The following NOTCH2 variants were observed in gnomAD, a reference collection of about 807,000 sequenced individuals.
The protein encoded by NOTCH2 is notch receptor 2.
In NOTCH2, 29 loss-of-function variants were observed where a neutral mutation model predicts 235.8. The ratio of observed to expected loss-of-function variants is 0.12; its 90% CI spans 0.09 to 0.17. NOTCH2 has a LOEUF of 0.17. Ranked by LOEUF, NOTCH2 falls within the 10% of genes least tolerant of loss-of-function variation. The probability of loss-of-function intolerance (pLI) is 1.00; values close to 1 mark genes in which losing one functional copy is unlikely to be tolerated. For synonymous variants in NOTCH2, 1,086 were observed against 1,141.5 expected, an observed-to-expected ratio of 0.95 and a Z score of 0.98; for missense variants, 2,285 against 3,150.2, an observed-to-expected ratio of 0.73 and a Z score of 6.57.
At chr1:119,969,901 T>C (rs1261827233) in intron 5 of NOTCH2, among the ~76,000 whole-genome samples, 157 bp from the exon 6 acceptor site, 1 of 152,146 alleles carries the variant, frequency 6.6e-6, no homozygotes, top group African/African-American at 2.4e-5. Flanking sequence ...TAAGGCCAAT[T>C]TGAGCCATCT....
chr1:119,937,052 C>CT (rs1649878695), intron 21 of NOTCH2, among the ~76,000 whole-genome samples: 1 of 152,060 alleles, frequency 6.6e-6, no homozygotes, highest in Non-Finnish European at 1.5e-5. Context: ...AAAAGCAAGC[C>CT]TAAGGAGCTG....
intron 3 of NOTCH2, among the ~76,000 whole-genome samples, chr1:120,001,242 T>C (rs1430857328): frequency 4.6e-5 from 7 of 152,032 alleles, no homozygotes; most frequent in Admixed American, 1.3e-4. Flanking sequence ...TACAGTAAAT[T>C]GGTACCAAGA....
intron 14 of NOTCH2, 101 bp downstream of exon 14, chr1:119,953,442 A>C: frequency 7.9e-7 from 1 of 1,271,890 alleles, no homozygotes; most frequent in East Asian, 2.3e-5. Flanking sequence ...TTGTTACACG[A>C]ATGAATGAAA....
chr1:119,957,547 C>A (rs949293462), intron 12 of NOTCH2, among the ~76,000 whole-genome samples: 5 of 152,012 alleles, frequency 3.3e-5, no homozygotes, highest in Non-Finnish European at 7.4e-5. Flanking sequence ...TCACATTTAC[C>A]ACTCATGAGT....
Position 119,938,002 on chromosome 1 carries a change from C to T in NOTCH2, c.3192G>A (p.Val1064=), listed in dbSNP as rs1553195983. 6.2e-7 allele frequency: 1 copy of T among 1,614,192 alleles called. No homozygotes were observed. The highest frequency in any genetic ancestry group is 1.7e-5 in the Admixed American group (1 of 60,024). Residue 1064 remains valine, a synonymous_variant, in exon 20 of 34, where the codon GTG becomes GTA. Coordinates refer to ENST00000256646, the MANE Select transcript of NOTCH2 (RefSeq NM_024408.4). ...GYTGKNCQTL[V]NLCSRSPCKN... Reference sequence around the variant, plus strand: ...TACATGGAGACCGACTGCAGAGATTCACCAGGGTCTGAAACAGAGGCAGGG... The same window carrying T: ...TACATGGAGACCGACTGCAGAGATTTACCAGGGTCTGAAACAGAGGCAGGG...
At chr1:120,023,196 G>A (rs1653698727) in intron 2 of NOTCH2, among the ~76,000 whole-genome samples, 1 of 151,542 alleles carries the variant, frequency 6.6e-6, no homozygotes, top group African/African-American at 2.4e-5. Flanking sequence ...CCAGCACTTT[G>A]GGAGGCCGAG....
intron 1 of NOTCH2, among the ~76,000 whole-genome samples, chr1:120,045,646 T>G (rs1427145006): frequency 6.6e-6 from 1 of 152,118 alleles, no homozygotes; most frequent in African/African-American, 2.4e-5. Context: ...CAGTATTCCC[T>G]CTTAAGGAGA....
chr1:120,011,570 C>T (rs372393918), intron 2 of NOTCH2, among the ~76,000 whole-genome samples: 12 of 152,068 alleles, frequency 7.9e-5, no homozygotes, highest in East Asian at 7.7e-4. Context: ...GGTATATACC[C>T]GAAGTAACTG....
Position 119,922,275 on chromosome 1 carries a change from T to C in NOTCH2, c.5174A>G (p.Lys1725Arg), listed in dbSNP as rs748310274. The C allele has an allele frequency of 5.0e-6, 8 of 1,614,140 alleles. No homozygotes were observed. The highest frequency in any genetic ancestry group is 1.7e-4 in the Middle Eastern group (1 of 6,052). The change falls in exon 28 of 34, where the codon AAG becomes AGG. Residue 1725 changes from lysine (K) to arginine (R), a missense_variant. This residue lies in a region of NOTCH2 where 1,173 missense variants were observed against 1,515.3 expected (regional missense o/e 0.77). Transcript: ENST00000256646. ...FTLRRDASNH[K>R]RREPVGQDAV... Reference sequence around the variant, plus strand: ...ATCCTGTCCCACTGGCTCACGACGCTTGTGATTGCTTGCATCTCGGCGAAG... The same window carrying C: ...ATCCTGTCCCACTGGCTCACGACGCCTGTGATTGCTTGCATCTCGGCGAAG...
intron 3 of NOTCH2, among the ~76,000 whole-genome samples, chr1:119,999,951 GAA>G (rs1652661312): frequency 7.9e-6 from 1 of 126,392 alleles, no homozygotes; most frequent in Non-Finnish European, 1.6e-5. Context: ...AAGAAAGAAA[GAA>G]AGAAAGAAAG....
At position 119,926,591 on chromosome 1, in the gene NOTCH2, C is replaced by T. The variant is rs587688280; in HGVS notation, c.3913G>A (p.Val1305Ile). ...CAGGGCATCTGGGGACACACATCGA[C>T]GAAGGTTTCACAGTGCCGGCCTCAG... ...AFTGRHCETF[V>I]DVCPQMPCLN... The change falls in exon 24 of 34, where the codon GTC becomes ATC. Residue 1305 changes from valine (V) to isoleucine (I), a missense_variant. This residue lies in a region of NOTCH2 where 1,173 missense variants were observed against 1,515.3 expected (regional missense o/e 0.77). Coordinates refer to ENST00000256646, the MANE Select transcript of NOTCH2 (RefSeq NM_024408.4). The T allele has an allele frequency of 5.9e-5, 95 of 1,608,284 alleles. 1 individual carries two copies. Among genetic ancestry groups the T allele is most frequent in the Admixed American group, 4.2e-4 (25 of 59,464 alleles).
Position 119,918,401 on chromosome 1 carries a change from C to T in NOTCH2, c.5929+5G>A. 1 of 1,614,064 alleles carries T rather than the reference C, an allele frequency of 6.2e-7. No homozygotes were observed. The highest frequency in any genetic ancestry group is 8.5e-7 in the Non-Finnish European group (1 of 1,180,032). ...AGAATCCAAATCCCTGCCTTTCATCCCTACCATGGTCATCCACTGCATTCA... is the reference window on the plus strand; with the variant it reads ...AGAATCCAAATCCCTGCCTTTCATCTCTACCATGGTCATCCACTGCATTCA... On this transcript the variant is annotated splice_donor_5th_base_variant and intron_variant, in intron 32 of 33. Coordinates refer to ENST00000256646, the MANE Select transcript of NOTCH2 (RefSeq NM_024408.4).
At chr1:119,961,835 C>T (rs905281312) in intron 11 of NOTCH2, among the ~76,000 whole-genome samples, 1 of 152,054 alleles carries the variant, frequency 6.6e-6, no homozygotes. Flanking sequence ...TTCTTCCATC[C>T]ACTCCCCTAT....
chr1:119,920,526 T>A (rs964473725), intron 29 of NOTCH2, 129 bp from the exon 30 acceptor site: 49 of 1,017,114 alleles, frequency 4.8e-5, no homozygotes, highest in Non-Finnish European at 7.1e-5. Flanking sequence ...CCTCCACCCC[T>A]CCAGAGGATT....
chr1:119,950,379 T>C, intron 15 of NOTCH2: 1 of 423,490 alleles, frequency 2.4e-6, no homozygotes, highest in East Asian at 6.0e-5. Context: ...CAATAAGTGG[T>C]AGCTGTATTA....
rs782757612 is a variant in NOTCH2 at position 119,950,763 on chromosome 1, T to C, written c.2440A>G (p.Ile814Val). The C allele has an allele frequency of 1.6e-5, 26 of 1,614,040 alleles. No homozygotes were observed. Among genetic ancestry groups the C allele is most frequent in the Non-Finnish European group, 1.7e-5 (20 of 1,179,966 alleles). ...ACACAGTGGCAAGTGTAGCCACTTA[T>C]GTCATCAAAGCAGGTTCCTTGGTTC... ...CLNQGTCFDD[I>V]SGYTCHCVLP... Residue 814 changes from isoleucine to valine, a missense_variant, in exon 15 of 34, where the codon ATA (isoleucine) becomes GTA (valine). Ile to Val is a conservative substitution (Grantham distance 29). Transcript: ENST00000256646.
chr1:120,045,939 A>G (rs1448910972), intron 1 of NOTCH2, among the ~76,000 whole-genome samples: 1 of 152,292 alleles, frequency 6.6e-6, no homozygotes, highest in East Asian at 1.9e-4. Flanking sequence ...AAACATCTCC[A>G]TATTTATGGG....
At chr1:120,002,899 T>A (rs1255504074) in intron 3 of NOTCH2, among the ~76,000 whole-genome samples, 5 of 149,494 alleles carry the variant, frequency 3.3e-5, no homozygotes, top group African/African-American at 1.0e-4. Flanking sequence ...CTAATTATTG[T>A]CTTTATTTGA....
At position 119,924,100 on chromosome 1, in the gene NOTCH2, C is replaced by T. The variant is rs1649380845; in HGVS notation, c.4512-116G>A. On this transcript the variant is annotated intron_variant, in intron 25 of 33. Transcript: ENST00000256646. Reference sequence around the variant, plus strand: ...CTACCCATTTTCTGTGGCCCACACCCAGGACCCAAATGCCCCACAAAACCT... The same window carrying T: ...CTACCCATTTTCTGTGGCCCACACCTAGGACCCAAATGCCCCACAAAACCT... 8 of 878,046 alleles carry T rather than the reference C, an allele frequency of 9.1e-6. No individual in the cohort carries two copies. In the Admixed American group the frequency reaches 1.4e-4, roughly 15 times the overall value. 54.4% of individuals were successfully genotyped at this position (878,046 alleles called of 1,614,324 possible).
Sources: gnomAD v4.1 joint callset for allele counts (sites outside exome capture counted in the v4.1 genomes callset) on GRCh38, gnomAD v4.1.1 for gene constraint, gnomAD v4.1.1 regional missense constraint, MANE v1.5 for transcripts, NCBI Gene and HGNC (gene_info 2026-07-23, HGNC 2026-07-21) for gene names.